The following MKRN1 variants were observed in gnomAD, a reference collection of about 807,000 sequenced individuals.
MKRN1 encodes E3 ubiquitin-protein ligase makorin-1.
In MKRN1, 9 loss-of-function variants were observed where a neutral mutation model predicts 55.5. That is an observed-to-expected ratio of 0.16 (90% confidence interval 0.10 to 0.28). The LOEUF (loss-of-function observed/expected upper bound fraction) is 0.28. Among genes scored for constraint, MKRN1 ranks in the 10% least tolerant of loss-of-function variants. The pLI is 1.00. For missense variants in MKRN1, 488 were observed against 626.7 expected, an observed-to-expected ratio of 0.78 and a Z score of 2.36; for synonymous variants, 253 against 235.9, an observed-to-expected ratio of 1.07 and a Z score of -0.66.
chr7:140,455,347 C>G, intron 6 of MKRN1, 114 bp from the exon 7 acceptor site: 1 of 1,309,914 alleles, frequency 7.6e-7, no homozygotes, highest in Non-Finnish European at 1.1e-6. Context: ...CAGCTTACAG[C>G]CCTCCCCAAG....
intron 1 of MKRN1, 189 bp from the exon 2 acceptor site, chr7:140,472,200 C>T (rs1466212741): frequency 2.9e-6 from 2 of 699,252 alleles, no homozygotes; most frequent in Non-Finnish European, 4.5e-6. Flanking sequence ...GTGAGTGGCT[C>T]ACCTGAGGTC....
intron 3 of MKRN1, 80 bp downstream of exon 3, chr7:140,459,627 G>C: frequency 7.4e-7 from 1 of 1,347,850 alleles, no homozygotes; most frequent in Non-Finnish European, 1.1e-6. Flanking sequence ...AAGCAGAAAG[G>C]GGAAAGTTGT....
chr7:140,470,468 C>T (rs1186806436), intron 2 of MKRN1, among the ~76,000 whole-genome samples: 2 of 151,300 alleles, frequency 1.3e-5, no homozygotes, highest in Non-Finnish European at 2.9e-5. Context: ...GCCTGTAATC[C>T]CAGCTACTCC....
At chr7:140,479,094 C>T (rs932433943) in intron 1 of MKRN1, 66 bp downstream of exon 1, 3 of 1,258,684 alleles carry the variant, frequency 2.4e-6, no homozygotes, top group African/African-American at 1.6e-5. Flanking sequence ...CCTCCTCCCT[C>T]CCGCGCCGCA....
At chr7:140,460,967 C>T (rs1021878862) in intron 2 of MKRN1, among the ~76,000 whole-genome samples, 2 of 152,218 alleles carry the variant, frequency 1.3e-5, no homozygotes, top group Admixed American at 6.5e-5. Flanking sequence ...TAGGCCCATA[C>T]CCCTGGCTAT....
chr7:140,457,998 A>T (rs1460108687), intron 4 of MKRN1, among the ~76,000 whole-genome samples: 3 of 152,212 alleles, frequency 2.0e-5, no homozygotes, highest in Non-Finnish European at 2.9e-5. Context: ...GATTAGAAGC[A>T]AACTTTGCTC....
intron 1 of MKRN1, chr7:140,478,285 G>C (rs1795182999): frequency 6.6e-6 from 1 of 152,214 alleles, no homozygotes. Flanking sequence ...TCTGCGTAGA[G>C]CTAGGTAGTT....
At chr7:140,460,066 T>G in intron 2 of MKRN1, 130 bp from the exon 3 acceptor site, 1 of 794,606 alleles carries the variant, frequency 1.3e-6, no homozygotes. Flanking sequence ...CTGGCCAATG[T>G]GGTGAAAACC....
In MKRN1 at chr7:140,459,058, C is replaced by A; in HGVS notation, c.720G>T (p.Gly240=). The A allele has an allele frequency of 1.2e-6, 2 of 1,613,978 alleles. No homozygotes were observed. Among genetic ancestry groups the A allele is most frequent in the Middle Eastern group, 1.7e-4 (1 of 6,056 alleles). ...CATCCATTGGATGCAGGACCTGCAG[C>A]CCACACATGTCACAAGAATCTCCGT... is the stretch of plus-strand genomic sequence containing the variant. The part of the protein sequence containing the change: ...YLHGDSCDMC[G]LQVLHPMDAA... The change falls in exon 4 of 8, where the codon GGG becomes GGT. Residue 240 remains glycine (G), a synonymous_variant. Coordinates refer to ENST00000255977, the MANE Select transcript of MKRN1 (RefSeq NM_013446.4).
chr7:140,458,123 A>G (rs1794517467), intron 4 of MKRN1, among the ~76,000 whole-genome samples: 1 of 152,240 alleles, frequency 6.6e-6, no homozygotes, highest in Non-Finnish European at 1.5e-5. Context: ...CAGTTCATCA[A>G]AACGTAAAGC....
At chr7:140,479,106 G>A (rs1795211560) in intron 1 of MKRN1, 54 bp downstream of exon 1, 1 of 1,284,186 alleles carries the variant, frequency 7.8e-7, no homozygotes, top group Non-Finnish European at 9.8e-7. Context: ...CGCGCCGCAG[G>A]CTTGGCCCGC....
intron 1 of MKRN1, among the ~76,000 whole-genome samples, chr7:140,477,931 C>T (rs1264298896): frequency 6.6e-6 from 1 of 152,170 alleles, no homozygotes; most frequent in East Asian, 1.9e-4. Context: ...ATGAATAAGA[C>T]AAGTGACCTG....
chr7:140,462,360 A>G (rs574868421), intron 2 of MKRN1, among the ~76,000 whole-genome samples: 2 of 152,344 alleles, frequency 1.3e-5, no homozygotes, highest in East Asian at 3.9e-4. Flanking sequence ...AATTATGCAT[A>G]TAGTAAATTT....
Position 140,479,369 on chromosome 7 carries a change from G to A in MKRN1, c.-25C>T, listed in dbSNP as rs1353353070. ...TTACTGTTTATCCCACACAGCAAAG[G>A]CCCCGGAACTTCCGGGATCACATAG... On this transcript the variant is annotated 5_prime_UTR_variant, in exon 1 of 8. Coordinates refer to ENST00000255977, the MANE Select transcript of MKRN1 (RefSeq NM_013446.4). The A allele has an allele frequency of 5.5e-6, 7 of 1,278,484 alleles. No homozygotes were observed. In the African/African-American group the frequency reaches 9.3e-5, roughly 17 times the overall value. The allele number at this position is 1,278,484 out of a possible 1,614,324, so 79.2% of individuals were successfully genotyped here.
chr7:140,471,631 A>C (rs150267428), intron 2 of MKRN1, among the ~76,000 whole-genome samples: 1 of 152,114 alleles, frequency 6.6e-6, no homozygotes, highest in African/African-American at 2.4e-5. Context: ...CACCATGCCC[A>C]GCTAATTTTT....
chr7:140,472,198 C>T, intron 1 of MKRN1, 187 bp from the exon 2 acceptor site: 1 of 729,236 alleles, frequency 1.4e-6, no homozygotes, highest in Non-Finnish European at 2.1e-6. Flanking sequence ...AGGTGAGTGG[C>T]TCACCTGAGG....
intron 2 of MKRN1, among the ~76,000 whole-genome samples, chr7:140,467,193 C>CAAAT (rs1794798822): frequency 6.6e-6 from 1 of 152,032 alleles, no homozygotes; most frequent in Non-Finnish European, 1.5e-5. Context: ...AGGCTGATAT[C>CAAAT]AAATTCCCGA....
Position 140,459,064 on chromosome 7 carries a change from CAT to C in MKRN1, c.712_713del (p.Met238ValfsTer23), listed in dbSNP as rs1481061193. ...TTGGATGCAGGACCTGCAGCCCACA[CAT>C]GTCACAAGAATCTCCGTGGAGATAC... The part of the protein sequence containing the change: ...CVYLHGDSCD[M>X]CGLQVLHPMD... On this transcript the variant is annotated frameshift_variant, in exon 4 of 8. Coordinates refer to ENST00000255977, the MANE Select transcript of MKRN1 (RefSeq NM_013446.4). LOFTEE classifies it high-confidence loss of function. 7 of 1,613,866 alleles carry C rather than the reference CAT, an allele frequency of 4.3e-6. No individual in the cohort carries two copies. Among genetic ancestry groups the C allele is most frequent in the Admixed American group, 1.7e-5 (1 of 59,982 alleles).
chr7:140,465,298 A>C (rs1049365654), intron 2 of MKRN1, among the ~76,000 whole-genome samples: 5 of 152,088 alleles, frequency 3.3e-5, no homozygotes, highest in Admixed American at 2.6e-4. Context: ...CAGGAGTTCA[A>C]GACCAGCCTG....
Sources: gnomAD v4.1 joint callset for allele counts (sites outside exome capture counted in the v4.1 genomes callset) on GRCh38, gnomAD v4.1.1 for gene constraint, MANE v1.5 for transcripts, NCBI Gene and HGNC (gene_info 2026-07-23, HGNC 2026-07-21) for gene names.